The following PTMA variants were observed in gnomAD, a reference collection of about 807,000 sequenced individuals.
PTMA encodes the protein prothymosin alpha, also known as gene sequence 28.
In PTMA, 4 loss-of-function variants were observed where a neutral mutation model predicts 16.9. That is an observed-to-expected ratio of 0.24 (90% CI 0.12 to 0.54). The LOEUF (loss-of-function observed/expected upper bound fraction) is 0.54. Among genes scored for constraint, PTMA ranks in the 20% least tolerant of loss-of-function variants. The probability of loss-of-function intolerance (pLI) is 0.95; values close to 1 mark genes in which losing one functional copy is unlikely to be tolerated. For synonymous variants in PTMA, 58 were observed against 47.9 expected, an observed-to-expected ratio of 1.21 and a Z score of -0.87; for missense variants, 120 against 137.7, an observed-to-expected ratio of 0.87 and a Z score of 0.64.
chr2:231,710,266 A>C, intron 1 of PTMA: 2 of 1,326,626 alleles, frequency 1.5e-6, no homozygotes, highest in Middle Eastern at 2.8e-4. Context: ...CGCGCGTGCC[A>C]CTGCAAGCTC....
At position 231,713,326 on chromosome 2, in the gene PTMA, G is replaced by C. The variant is rs1301934404; in HGVS notation, c.*475G>C. ...CAACAGAAAAACAATCTTATTCCGA[G>C]CATTCCAGTAACTTTTTTGTGTATG... On this transcript the variant is annotated 3_prime_UTR_variant, in exon 5 of 5. Transcript: ENST00000409115. 2.0e-6 allele frequency: 1 copy of C among 508,866 alleles called. No homozygotes were observed. Among genetic ancestry groups the C allele is most frequent in the Admixed American group, 2.3e-5 (1 of 43,890 alleles). The allele number at this position is 508,866 out of a possible 1,614,324, so 31.5% of individuals were successfully genotyped here.
intron 1 of PTMA, among the ~76,000 whole-genome samples, chr2:231,709,262 G>A (rs980685768): frequency 2.0e-5 from 3 of 152,176 alleles, no homozygotes; most frequent in Non-Finnish European, 2.9e-5. Context: ...GCGGACCTGA[G>A]GTGGTTTGTC....
chr2:231,709,907 C>T (rs1248468089), intron 1 of PTMA: 5 of 399,108 alleles, frequency 1.3e-5, no homozygotes, highest in African/African-American at 6.2e-5. Context: ...CTGACTCTCC[C>T]AGGGGCGACT....
intron 1 of PTMA, chr2:231,710,983 A>G: frequency 4.3e-6 from 1 of 232,072 alleles, no homozygotes; most frequent in Non-Finnish European, 8.6e-6. Flanking sequence ...GGCTCTTTGC[A>G]CTTGGAAGCA....
In PTMA at chr2:231,708,573, C is replaced by T. The variant is rs967431623; in HGVS notation, c.-134C>T. ...CCATCTTTGCATTGTTCCTCATCCG[C>T]CTCCTTGCTCGCCGCAGCCGCCTCC... is the stretch of plus-strand genomic sequence containing the variant. On this transcript the variant is annotated 5_prime_UTR_variant, in exon 1 of 5. Coordinates refer to ENST00000409115, the MANE Select transcript of PTMA (RefSeq NM_002823.5). 5.9e-5 allele frequency: 61 copies of T among 1,034,174 alleles called. No homozygotes were observed. The highest frequency in any genetic ancestry group is 2.3e-4 in the South Asian group (18 of 77,830). 64.1% of individuals were successfully genotyped at this position (1,034,174 alleles called of 1,614,324 possible). A position where few individuals can be genotyped will look rare whatever the true frequency, so the allele number is the denominator to read the frequency against.
intron 1 of PTMA, among the ~76,000 whole-genome samples, chr2:231,708,972 C>T (rs2048478144): frequency 6.6e-6 from 1 of 152,170 alleles, no homozygotes; most frequent in African/African-American, 2.4e-5. Flanking sequence ...GGGAGTGGGC[C>T]GGGCGCCCTC....
intron 1 of PTMA, chr2:231,710,481 G>A (rs1406338432): frequency 2.9e-6 from 3 of 1,039,056 alleles, no homozygotes; most frequent in Non-Finnish European, 3.7e-6. Flanking sequence ...CGGGGTCCGC[G>A]GAGCGGAGCG....
At position 231,711,457 on chromosome 2, in the gene PTMA, C is replaced by T. The variant is rs11888389; in HGVS notation, c.117+38C>T. 4,237 of 1,596,982 alleles carry T rather than the reference C, an allele frequency of 2.7e-3. 82 individuals carry two copies. In the African/African-American group the frequency reaches 0.045, roughly 17 times the overall value. On this transcript the variant is annotated intron_variant, in intron 2 of 4. Coordinates refer to ENST00000409115, the MANE Select transcript of PTMA (RefSeq NM_002823.5). ...TTTGCTCCTGAGCCCTGGCAGCTACCGCCCCACAAAATTTTTCCTGTTCTA... is the reference window on the plus strand; with the variant it reads ...TTTGCTCCTGAGCCCTGGCAGCTACTGCCCCACAAAATTTTTCCTGTTCTA...
At position 231,711,728 on chromosome 2, in the gene PTMA, G is replaced by T. The variant is rs878942163; in HGVS notation, c.118-162G>T. 1.6e-5 allele frequency: 21 copies of T among 1,313,008 alleles called. No individual in the cohort carries two copies. In the South Asian group the frequency reaches 3.0e-4, roughly 19 times the overall value. 81.3% of individuals were successfully genotyped at this position (1,313,008 alleles called of 1,614,324 possible). On this transcript the variant is annotated intron_variant, in intron 2 of 4. Coordinates refer to ENST00000409115, the MANE Select transcript of PTMA (RefSeq NM_002823.5). ...GTTAATGTGCAGGTTTCATGATGGA[G>T]CCTGGAGGGTGTTGACTGGAGAAGG...
Position 231,712,524 on chromosome 2 carries a change from C to T in PTMA, c.285+8C>T, listed in dbSNP as rs755737848. On this transcript the variant is annotated splice_region_variant and intron_variant, in intron 4 of 4. Coordinates refer to ENST00000409115, the MANE Select transcript of PTMA (RefSeq NM_002823.5). ...GCAGCTGAAGATGATGAGGTGGGTT[C>T]TGGCTTGAGAAGAAGGGGGGTTTGG... 29 of 1,613,926 alleles carry T rather than the reference C, an allele frequency of 1.8e-5. No individual in the cohort carries two copies. Among genetic ancestry groups the T allele is most frequent in the Non-Finnish European group, 2.4e-5 (28 of 1,179,928 alleles).
chr2:231,711,468 AT>A (rs778891260), intron 2 of PTMA, 49 bp downstream of exon 2: 2 of 1,568,710 alleles, frequency 1.3e-6, no homozygotes, highest in South Asian at 2.2e-5. Context: ...GCCCCACAAA[AT>A]TTTTCCTGTT....
intron 1 of PTMA, chr2:231,710,554 G>T: frequency 1.6e-6 from 1 of 638,142 alleles, no homozygotes; most frequent in Non-Finnish European, 2.6e-6. Context: ...AGCGGCCGAG[G>T]GGTTCCCGCA....
intron 1 of PTMA, chr2:231,710,265 C>T (rs541526302): frequency 4.5e-6 from 6 of 1,330,108 alleles, no homozygotes; most frequent in East Asian, 3.0e-5. Flanking sequence ...GCGCGCGTGC[C>T]ACTGCAAGCT....
At chr2:231,708,936 G>T (rs779438832) in intron 1 of PTMA, among the ~76,000 whole-genome samples, 185 bp downstream of exon 1, 74 of 152,202 alleles carry the variant, frequency 4.9e-4, no homozygotes, top group Non-Finnish European at 9.3e-4. Flanking sequence ...GGCGGGAACC[G>T]CCGCGGGCAG....
Position 231,711,392 on chromosome 2 carries a change from A to G in PTMA, c.90A>G (p.Gly30=), listed in dbSNP as rs1223041611. The change falls in exon 2 of 5, where the codon GGA becomes GGG. Residue 30 remains glycine (G), a synonymous_variant. Transcript: ENST00000409115. ...AAGTTGTGGAAGAGGCAGAAAATGG[A>G]AGAGACGCCCCTGCTAACGGGAATG... ...KKEVVEEAEN[G]RDAPANGNAN... The G allele has an allele frequency of 1.1e-5, 17 of 1,614,004 alleles. No individual in the cohort carries two copies. The highest frequency in any genetic ancestry group is 1.4e-5 in the Non-Finnish European group (17 of 1,179,998).
At chr2:231,712,373 T>C (rs2048529714) in intron 3 of PTMA, 70 bp from the exon 4 acceptor site, 1 of 1,499,290 alleles carries the variant, frequency 6.7e-7, no homozygotes, top group African/African-American at 1.4e-5. Context: ...CCACTACATG[T>C]TCCTCGGGAT....
intron 1 of PTMA, chr2:231,710,755 C>T (rs1277822213): frequency 9.0e-6 from 3 of 331,504 alleles, no homozygotes; most frequent in Non-Finnish European, 1.8e-5. Context: ...TGGGGCACCG[C>T]CAAGCAGCGG....
At chr2:231,711,037 C>T in intron 1 of PTMA, 1 of 278,750 alleles carries the variant, frequency 3.6e-6, no homozygotes. Flanking sequence ...CCCGGCCGGA[C>T]GGGCTGGGGG....
chr2:231,712,410 A>G, intron 3 of PTMA, 33 bp from the exon 4 acceptor site: 1 of 1,593,478 alleles, frequency 6.3e-7, no homozygotes. Context: ...GTAGGAGGGA[A>G]GTGTGGTTTA....
Sources: allele counts gnomAD v4.1 joint callset (sites outside exome capture counted in the v4.1 genomes callset), GRCh38; gene constraint gnomAD v4.1.1; transcripts MANE v1.5; gene names NCBI Gene and HGNC (gene_info 2026-07-23, HGNC 2026-07-21).